Variants in ZNF541 observed in about 807,000 individuals in gnomAD.
ZNF541 encodes zinc finger protein 541.
A neutral mutation model predicts 123.5 loss-of-function variants in ZNF541; 23 were observed. That is an observed-to-expected ratio of 0.19 (90% CI 0.13 to 0.26). The LOEUF (loss-of-function observed/expected upper bound fraction) is 0.26, where lower values mean the gene tolerates loss of function less well. ZNF541 is among the 10% of genes least tolerant of loss of function. The probability of loss-of-function intolerance (pLI) is 1.00; values close to 1 mark genes in which losing one functional copy is unlikely to be tolerated. For synonymous variants in ZNF541, 751 were observed against 754.5 expected, an observed-to-expected ratio of 1.00 and a Z score of 0.08; for missense variants, 1,612 against 1,789.9, an observed-to-expected ratio of 0.90 and a Z score of 1.79.
chr19:47,571,017 C>A (rs1038198904), intron 2 of ZNF541, among the ~76,000 whole-genome samples: 2 of 151,568 alleles, frequency 1.3e-5, no homozygotes, highest in Admixed American at 1.3e-4. Context: ...TGTCCACATA[C>A]ACATGTGCCC....
Position 47,571,927 on chromosome 19 carries a change from C to G in ZNF541, c.-130G>C, listed in dbSNP as rs1376683062. On this transcript the variant is annotated 5_prime_UTR_variant, in exon 2 of 17. Coordinates refer to ENST00000391901, the MANE Select transcript of ZNF541 (RefSeq NM_001277075.3). ...AGCAAGTTAGTGAATCTCCAGGGAA[C>G]AGGAGGACCCAGTTTAGGCCCCACA... is the stretch of plus-strand genomic sequence containing the variant. 6.6e-6 allele frequency among the ~76,000 whole-genome samples: 1 copy of G among 152,190 alleles called. No individual in the cohort carries two copies. The highest frequency in any genetic ancestry group is 2.4e-5 in the African/African-American group (1 of 41,450).
In ZNF541 at chr19:47,559,167, T is replaced by G. The variant is rs1453342208; in HGVS notation, c.-98-3213A>C. 1.2e-4 allele frequency among the ~76,000 whole-genome samples: 18 copies of G among 151,550 alleles called. 1 individual carries two copies. Among genetic ancestry groups the G allele is most frequent in the Non-Finnish European group, 2.5e-4 (17 of 67,880 alleles). ...GGGCAAATCACTGGAGGTCAGGAGTTTGGGACCAGCCTGACAAACATGGTG... is the reference window on the plus strand; with the variant it reads ...GGGCAAATCACTGGAGGTCAGGAGTGTGGGACCAGCCTGACAAACATGGTG... On this transcript the variant is annotated intron_variant, in intron 2 of 16. Coordinates refer to ENST00000391901, the MANE Select transcript of ZNF541 (RefSeq NM_001277075.3).
At chr19:47,525,330 C>T (rs144925053) in intron 14 of ZNF541, among the ~76,000 whole-genome samples, 272 of 151,060 alleles carry the variant, frequency 1.8e-3, no homozygotes, top group African/African-American at 6.2e-3. Context: ...CCTATAGAGC[C>T]AATGCAGTAC....
Position 47,538,330 on chromosome 19 carries a change from C to A in ZNF541, c.2906G>T (p.Cys969Phe). Reference protein sequence around the residue: ...STAGEPGPAGCHQSRLRSPMF... With the variant: ...STAGEPGPAGFHQSRLRSPMF... ...GGGTGACCGCAGGCGGCTCTGGTGG[C>A]ATCCTGCAGGGCCAGGCTCCCCAGC... Residue 969 changes from cysteine (C) to phenylalanine (F), a missense_variant, in exon 9 of 17, where the codon TGC becomes TTC. Physicochemically the swap from Cys to Phe is radical, Grantham distance 205. Around this residue, in one of 5 missense-constraint regions of ZNF541, gnomAD observed 1,080 missense variants for 1,013.8 expected, o/e 1.07. Transcript: ENST00000391901. 1 of 1,542,448 alleles carries A rather than the reference C, an allele frequency of 6.5e-7. No individual in the cohort carries two copies. The highest frequency in any genetic ancestry group is 8.8e-7 in the Non-Finnish European group (1 of 1,141,596).
At chr19:47,549,544 G>A (rs200995960) in intron 3 of ZNF541, 59 bp from the exon 4 acceptor site, 21 of 1,543,904 alleles carry the variant, frequency 1.4e-5, no homozygotes, top group African/African-American at 2.7e-5. Context: ...CGAAAAGCAC[G>A]ACTAAGGCAC....
rs1214744541 is a variant in ZNF541 at position 47,540,219 on chromosome 19, T to C, written c.2579A>G (p.His860Arg). Reference sequence around the variant, plus strand: ...TCGAGGTGACGGCCACTGGTCGCTGTGAAAACACATGTGGCTGCTCAGCCC... The same window carrying C: ...TCGAGGTGACGGCCACTGGTCGCTGCGAAAACACATGTGGCTGCTCAGCCC... ...EKGLSSHMCF[H>R]SDQWPSPRGK... The change falls in exon 7 of 17, where the codon CAC (histidine) becomes CGC (arginine). Residue 860 changes from histidine (H) to arginine (R), a missense_variant. Physicochemically the swap from His to Arg is conservative, Grantham distance 29. Coordinates refer to ENST00000391901, the MANE Select transcript of ZNF541 (RefSeq NM_001277075.3). 1 of 1,551,714 alleles carries C rather than the reference T, an allele frequency of 6.4e-7. No individual in the cohort carries two copies. The highest frequency in any genetic ancestry group is 8.7e-7 in the Non-Finnish European group (1 of 1,147,018).
intron 9 of ZNF541, among the ~76,000 whole-genome samples, chr19:47,535,996 T>C (rs1357438424): frequency 1.3e-5 from 2 of 152,230 alleles, no homozygotes; most frequent in Admixed American, 6.5e-5. Context: ...ATTGTTTCTA[T>C]AGATTATAGA....
At chr19:47,541,721 G>T (rs557726691) in intron 5 of ZNF541, among the ~76,000 whole-genome samples, 1 of 152,298 alleles carries the variant, frequency 6.6e-6, no homozygotes, top group Admixed American at 6.5e-5. Context: ...CTTCACACCC[G>T]CCAGGGTAGT....
chr19:47,542,363 T>C (rs1036283415), intron 5 of ZNF541, among the ~76,000 whole-genome samples: 2 of 152,174 alleles, frequency 1.3e-5, no homozygotes, highest in African/African-American at 4.8e-5. Flanking sequence ...CACTTTAAAA[T>C]GGTGTATTCA....
rs1162896064 is a variant in ZNF541 at position 47,555,670 on chromosome 19, T to C, written c.187A>G (p.Met63Val). The part of the protein sequence containing the change: ...DPDPSLPTPD[M>V]SSEVLEDNLD... ...TTGTCCTCCAGCACCTCGCTGGACA[T>C]GTCAGGCGTTGGGAGGCTGGGGTCC... Residue 63 changes from methionine to valine, a missense_variant, in exon 3 of 17, where the codon ATG becomes GTG. Around this residue, in one of 5 missense-constraint regions of ZNF541, gnomAD observed 212 missense variants for 289.6 expected, o/e 0.73. Transcript: ENST00000391901. 5 of 1,551,578 alleles carry C rather than the reference T, an allele frequency of 3.2e-6. No homozygotes were observed. Among genetic ancestry groups the C allele is most frequent in the African/African-American group, 2.7e-5 (2 of 73,034 alleles).
chr19:47,555,635 G>A lies in ZNF541; in HGVS notation c.222C>T (p.Thr74=). 6.4e-7 allele frequency: 1 copy of A among 1,551,660 alleles called. No individual in the cohort carries two copies. ...TGTCCTTCCCGGAGTACAGGGACAAGGTGTCTAAGTTGTCCTCCAGCACCT... is the reference window on the plus strand; with the variant it reads ...TGTCCTTCCCGGAGTACAGGGACAAAGTGTCTAAGTTGTCCTCCAGCACCT... The part of the protein sequence containing the change: ...SSEVLEDNLD[T]LSLYSGKDSD... Residue 74 remains threonine (T), a synonymous_variant, in exon 3 of 17, where the codon ACC becomes ACT. Transcript: ENST00000391901.
At chr19:47,543,881 C>A (rs1347456820) in intron 5 of ZNF541, among the ~76,000 whole-genome samples, 1 of 152,028 alleles carries the variant, frequency 6.6e-6, no homozygotes, top group Non-Finnish European at 1.5e-5. Context: ...TGAGCTCAAG[C>A]AGTCTCCCCA....
At position 47,545,347 on chromosome 19, in the gene ZNF541, C is replaced by T. The variant is rs1970293630; in HGVS notation, c.1182G>A (p.Leu394=). ...GGACCGTCTGGCCTCGGAAGAGAGG[C>T]AGGCAGGCAGGCACGGAGCCGCCTT... ...WPEGGSVPAC[L]PLFRGQTVPA... Residue 394 remains leucine, a synonymous_variant, in exon 5 of 17, where the codon CTG becomes CTA. Transcript: ENST00000391901. This position sits in a 1 kb window ranked among gnomAD's most constrained non-coding sequence, Gnocchi z 7.5. The T allele has an allele frequency of 6.5e-7, 1 of 1,542,234 alleles. No homozygotes were observed. The highest frequency in any genetic ancestry group is 8.7e-7 in the Non-Finnish European group (1 of 1,143,234).
chr19:47,545,217 C>T lies in ZNF541; in HGVS notation c.1312G>A (p.Ala438Thr). The change falls in exon 5 of 17, where the codon GCC (alanine) becomes ACC (threonine). Residue 438 changes from alanine to threonine, a missense_variant. By Grantham distance (58) the Ala-to-Thr change is moderately conservative. Coordinates refer to ENST00000391901, the MANE Select transcript of ZNF541 (RefSeq NM_001277075.3). This position sits in a 1 kb window ranked among gnomAD's most constrained non-coding sequence, Gnocchi z 7.5. ...TCGGAGCCCTCCCGCGAGGGCACGG[C>T]CGAGGGCTTGTGGACAACAAACACG... ...NNVFVVHKPS[A>T]VPSREGSESG... The T allele has an allele frequency of 6.5e-7, 1 of 1,539,588 alleles. No individual in the cohort carries two copies. Among genetic ancestry groups the T allele is most frequent in the Non-Finnish European group, 8.8e-7 (1 of 1,142,130 alleles).
chr19:47,539,764 C>A lies in ZNF541; in HGVS notation c.2737G>T (p.Val913Leu). 1 of 1,471,568 alleles carries A rather than the reference C, an allele frequency of 6.8e-7. No individual in the cohort carries two copies. The highest frequency in any genetic ancestry group is 8.9e-7 in the Non-Finnish European group (1 of 1,118,550). 91.2% of individuals were successfully genotyped at this position (1,471,568 alleles called of 1,614,324 possible). ...ACCACGGGGATCGATTGGGGGACCACCAAAGGGGCTGCAGCTGTGGGGTCC... is the reference window on the plus strand; with the variant it reads ...ACCACGGGGATCGATTGGGGGACCAACAAAGGGGCTGCAGCTGTGGGGTCC... ...PLDPTAAAPL[V>L]VPQSIPVVPV... is the part of the protein sequence containing the mutation. Residue 913 changes from valine (V) to leucine (L), a missense_variant, in exon 8 of 17, where the codon GTG becomes TTG. Coordinates refer to ENST00000391901, the MANE Select transcript of ZNF541 (RefSeq NM_001277075.3).
At chr19:47,539,330 C>T (rs1277175068) in intron 8 of ZNF541, among the ~76,000 whole-genome samples, 1 of 144,178 alleles carries the variant, frequency 6.9e-6, no homozygotes, top group African/African-American at 2.6e-5. Context: ...GACAGAGTCT[C>T]ACTCTGTTAC....
intron 2 of ZNF541, among the ~76,000 whole-genome samples, chr19:47,565,512 T>A (rs1971228377): frequency 6.6e-6 from 1 of 152,104 alleles, no homozygotes. Context: ...GCCTTCGGGC[T>A]CTACTAGAGG....
At chr19:47,571,351 C>T (rs1440155343) in intron 2 of ZNF541, among the ~76,000 whole-genome samples, 1 of 152,170 alleles carries the variant, frequency 6.6e-6, no homozygotes, top group East Asian at 1.9e-4. Flanking sequence ...TCAGCCGCCT[C>T]GGCCTCCCAA....
chr19:47,540,693 G>C (rs1970044613), intron 6 of ZNF541, among the ~76,000 whole-genome samples, 200 bp downstream of exon 6: 1 of 152,180 alleles, frequency 6.6e-6, no homozygotes, highest in South Asian at 2.1e-4. Context: ...CCCTGCCTCA[G>C]CCTCCTGAAG....
Sources: gnomAD v4.1 joint callset for allele counts (sites outside exome capture counted in the v4.1 genomes callset) on GRCh38, gnomAD v4.1.1 for gene constraint, gnomAD v4.1.1 regional missense constraint, Gnocchi (gnomAD v3.1) non-coding constraint, MANE v1.5 for transcripts, NCBI Gene and HGNC (gene_info 2026-07-23, HGNC 2026-07-21) for gene names.